The following MRPL22 variants were observed in gnomAD, a reference collection of about 807,000 sequenced individuals.
MRPL22 encodes the protein large ribosomal subunit protein uL22m.
A neutral mutation model predicts 32.4 loss-of-function variants in MRPL22; 27 were observed. The ratio of observed to expected loss-of-function variants is 0.83; its 90% CI spans 0.61 to 1.15. The LOEUF (loss-of-function observed/expected upper bound fraction) is 1.15, where lower values mean the gene tolerates loss of function less well. Ranked by LOEUF, MRPL22 falls within the 50% of genes most tolerant of loss-of-function variation. The pLI is 0.00. For missense variants in MRPL22, 239 were observed against 260.2 expected, an observed-to-expected ratio of 0.92 and a Z score of 0.56; for synonymous variants, 86 against 87.3, an observed-to-expected ratio of 0.99 and a Z score of 0.08.
chr5:154,943,001 C>T (rs963721619), intron 2 of MRPL22, among the ~76,000 whole-genome samples: 1 of 152,170 alleles, frequency 6.6e-6, no homozygotes, highest in African/African-American at 2.4e-5. Flanking sequence ...GAAGTTATTA[C>T]ATAATTTTGT....
At position 154,964,015 on chromosome 5, in the gene MRPL22, A is replaced by G. The variant is rs540184835; in HGVS notation, c.410-2671A>G. ...AGGAAGTAGAAGTTTGACCTCGAGT[A>G]GATAAAATGGGAAGGGTAGATTGGG... On this transcript the variant is annotated intron_variant, in intron 6 of 6. Coordinates refer to ENST00000523037, the MANE Select transcript of MRPL22 (RefSeq NM_014180.4). Among the ~76,000 whole-genome samples, 8 of 152,340 alleles carry G rather than the reference A, an allele frequency of 5.3e-5. No homozygotes were observed. The South Asian group carries it at 1.7e-3, about 32-fold the overall frequency.
In MRPL22 at chr5:154,959,991, A is replaced by G. The variant is rs766226878; in HGVS notation, c.351A>G (p.Glu117=). The G allele has an allele frequency of 1.4e-5, 23 of 1,611,428 alleles. No homozygotes were observed. Among genetic ancestry groups the G allele is most frequent in the Non-Finnish European group, 2.0e-5 (23 of 1,178,712 alleles). Residue 117 remains glutamate (E), a synonymous_variant, in exon 6 of 7, where the codon GAA becomes GAG. Coordinates refer to ENST00000523037, the MANE Select transcript of MRPL22 (RefSeq NM_014180.4). The stretch of plus-strand genomic sequence containing the variant: ...TTTTCTTATTTAAGGTTCTCTTAGA[A>G]GCACAAGATATGGCAGTGAGAGACC... ...GAKIIKEVLL[E]AQDMAVRDHN...
chr5:154,961,863 T>C (rs372198848), intron 6 of MRPL22, among the ~76,000 whole-genome samples: 68 of 152,170 alleles, frequency 4.5e-4, no homozygotes, highest in African/African-American at 1.5e-3. Flanking sequence ...ATTTTAAAAT[T>C]TTTTGTAGAG....
At chr5:154,950,292 C>T (rs1764543183) in intron 2 of MRPL22, among the ~76,000 whole-genome samples, 1 of 152,164 alleles carries the variant, frequency 6.6e-6, no homozygotes, top group Non-Finnish European at 1.5e-5. Context: ...GTATGGATTA[C>T]AATTGAAGAT....
intron 6 of MRPL22, among the ~76,000 whole-genome samples, chr5:154,962,871 A>C (rs1764722536): frequency 6.6e-6 from 1 of 152,186 alleles, no homozygotes; most frequent in African/African-American, 2.4e-5. Context: ...CTAATGTTAC[A>C]ATTTCAAGAT....
intron 2 of MRPL22, among the ~76,000 whole-genome samples, chr5:154,949,454 G>A (rs1764530858): frequency 6.6e-6 from 1 of 152,208 alleles, no homozygotes. Flanking sequence ...TGGTACTCAA[G>A]CAGAGAAAGA....
intron 2 of MRPL22, among the ~76,000 whole-genome samples, chr5:154,950,511 A>G (rs1764545583): frequency 6.6e-6 from 1 of 152,186 alleles, no homozygotes; most frequent in African/African-American, 2.4e-5. Context: ...GTCTTCTCTA[A>G]ATCTTTCTTA....
intron 6 of MRPL22, among the ~76,000 whole-genome samples, chr5:154,962,725 G>GTCCC (rs1764720893): frequency 6.6e-6 from 1 of 152,132 alleles, no homozygotes; most frequent in South Asian, 2.1e-4. Context: ...GCCTTAACAA[G>GTCCC]TGGACAGGGA....
chr5:154,947,479 G>A (rs1222421076), intron 2 of MRPL22, among the ~76,000 whole-genome samples: 1 of 152,154 alleles, frequency 6.6e-6, no homozygotes, highest in Non-Finnish European at 1.5e-5. Context: ...GGGTAAAAAT[G>A]ATACACTAGA....
In MRPL22 at chr5:154,953,168, C is replaced by T. The variant is rs145890995; in HGVS notation, c.195+2230C>T. ...GGTCAGGAGTTCAAGCCCAGCTGGCCAATATGGTGAAGTCACATTTCTACT... is the reference window on the plus strand; with the variant it reads ...GGTCAGGAGTTCAAGCCCAGCTGGCTAATATGGTGAAGTCACATTTCTACT... On this transcript the variant is annotated intron_variant, in intron 3 of 6. Coordinates refer to ENST00000523037, the MANE Select transcript of MRPL22 (RefSeq NM_014180.4). Among the ~76,000 whole-genome samples the T allele has an allele frequency of 9.2e-3, 1,395 of 151,888 alleles. 12 individuals carry two copies. Among genetic ancestry groups the T allele is most frequent in the South Asian group, 0.02 (95 of 4,812 alleles).
Position 154,966,760 on chromosome 5 carries a change from G to A in MRPL22, c.484G>A (p.Glu162Lys), listed in dbSNP as rs755313081. The A allele has an allele frequency of 1.2e-6, 2 of 1,614,224 alleles. No individual in the cohort carries two copies. Among genetic ancestry groups the A allele is most frequent in the Non-Finnish European group, 1.7e-6 (2 of 1,180,048 alleles). ...TGGCAGAGGTCGCTTTGGGATCATG[G>A]AGAAGGTTTATTGCCATTATTTTGT... Reference protein sequence around the residue: ...YHGRGRFGIMEKVYCHYFVKL... With the variant: ...YHGRGRFGIMKKVYCHYFVKL... The change falls in exon 7 of 7, where the codon GAG becomes AAG. Residue 162 changes from glutamate to lysine, a missense_variant. Glu to Lys is a moderately conservative substitution (Grantham distance 56). Transcript: ENST00000523037.
intron 6 of MRPL22, among the ~76,000 whole-genome samples, chr5:154,963,034 G>A (rs1304299844): frequency 6.6e-6 from 1 of 152,210 alleles, no homozygotes; most frequent in Non-Finnish European, 1.5e-5. Flanking sequence ...TGCCTCCAGG[G>A]TTGAAGCAAT....
At chr5:154,964,057 C>T (rs914308238) in intron 6 of MRPL22, among the ~76,000 whole-genome samples, 12 of 152,148 alleles carry the variant, frequency 7.9e-5, no homozygotes, top group African/African-American at 2.9e-4. Flanking sequence ...TTCCAGAGAA[C>T]TGAACATGGC....
intron 2 of MRPL22, among the ~76,000 whole-genome samples, chr5:154,947,969 A>G (rs890463168): frequency 1.3e-5 from 2 of 152,254 alleles, no homozygotes; most frequent in Admixed American, 1.3e-4. Context: ...AACAATGAAC[A>G]TCTATGTGGC....
chr5:154,965,036 C>T (rs1388242601), intron 6 of MRPL22, among the ~76,000 whole-genome samples: 1 of 152,060 alleles, frequency 6.6e-6, no homozygotes, highest in African/African-American at 2.4e-5. Flanking sequence ...TTTTTCAGTG[C>T]CCACTAAATG....
Position 154,941,313 on chromosome 5 carries a change from T to C in MRPL22, c.77+48T>C, listed in dbSNP as rs778947025. 5.6e-6 allele frequency: 9 copies of C among 1,609,944 alleles called. No homozygotes were observed. The South Asian group carries it at 6.6e-5, about 12-fold the overall frequency. ...TCGGAAGGGCCCAAGGCATCTTTAG[T>C]ATTCTGCCAGTTGGTAACTGAGCGC... On this transcript the variant is annotated intron_variant, in intron 2 of 6. Transcript: ENST00000523037.
chr5:154,941,793 T>G (rs1764420219), intron 2 of MRPL22, among the ~76,000 whole-genome samples: 1 of 152,242 alleles, frequency 6.6e-6, no homozygotes, highest in African/African-American at 2.4e-5. Flanking sequence ...TTTTGAAGCT[T>G]TATACCAGAG....
intron 3 of MRPL22, among the ~76,000 whole-genome samples, chr5:154,953,532 T>C (rs1006001285): frequency 1.3e-5 from 2 of 151,966 alleles, no homozygotes; most frequent in African/African-American, 4.8e-5. Context: ...GTCAAAACTC[T>C]TTGAGCTACC....
intron 6 of MRPL22, among the ~76,000 whole-genome samples, chr5:154,960,881 GC>G (rs979671840): frequency 5.9e-5 from 9 of 152,092 alleles, no homozygotes; most frequent in African/African-American, 2.2e-4. Flanking sequence ...TGATGTTGAA[GC>G]AAAGTTTTCT....
Sources: allele counts gnomAD v4.1 joint callset (sites outside exome capture counted in the v4.1 genomes callset), GRCh38; gene constraint gnomAD v4.1.1; transcripts MANE v1.5; gene names NCBI Gene and HGNC (gene_info 2026-07-23, HGNC 2026-07-21).